Variants in PARD3B observed in about 807,000 individuals in gnomAD.
PARD3B encodes the protein partitioning defective 3 homolog B.
PARD3B carries 103 observed loss-of-function variants against 130.2 expected under a neutral mutation model. The ratio of observed to expected loss-of-function variants is 0.79; its 90% confidence interval spans 0.67 to 0.93. The LOEUF (loss-of-function observed/expected upper bound fraction) is 0.93, where lower values mean the gene tolerates loss of function less well. PARD3B is among the 40% of genes least tolerant of loss of function. The probability of loss-of-function intolerance (pLI) is 0.00; values close to 1 mark genes in which losing one functional copy is unlikely to be tolerated. For missense variants in PARD3B, 1,609 were observed against 1,499.2 expected (o/e 1.07, Z -1.21); for synonymous variants, 583 against 553.2 (o/e 1.05, Z -0.76).
chr2:205,038,993 G>A (rs577471083), intron 3 of PARD3B, among the ~76,000 whole-genome samples: 12 of 152,138 alleles, frequency 7.9e-5, no homozygotes, highest in South Asian at 6.2e-4. Flanking sequence ...GCACCAAACC[G>A]GGTCAGGCAC....
rs968738023 is a variant in PARD3B at position 205,128,237 on chromosome 2, A to G, written c.1434+2500A>G. ...GCATGCAAAAGAATGCAACCACAGAACTCCAACTAGGAACTTAAACCCTCG... is the reference window on the plus strand; with the variant it reads ...GCATGCAAAAGAATGCAACCACAGAGCTCCAACTAGGAACTTAAACCCTCG... On this transcript the variant is annotated intron_variant, in intron 10 of 22. Coordinates refer to ENST00000406610, the MANE Select transcript of PARD3B (RefSeq NM_001302769.2). This position sits in a 1 kb window ranked among gnomAD's most constrained non-coding sequence, Gnocchi z 4.5. Among the ~76,000 whole-genome samples the G allele has an allele frequency of 3.4e-4, 51 of 152,138 alleles. No homozygotes were observed. Among genetic ancestry groups the G allele is most frequent in the African/African-American group, 1.2e-3 (51 of 41,424 alleles).
rs11898994 is a variant in PARD3B, at chr2:204,813,885, G to A, written c.222+127603G>A. On this transcript the variant is annotated intron_variant, in intron 2 of 22. Coordinates refer to ENST00000406610, the MANE Select transcript of PARD3B (RefSeq NM_001302769.2). ...TTACTATCTCTTTATAATATTGTAAGTTTTGAAATGAAGTCATATTGGCCC... is the reference window on the plus strand; with the variant it reads ...TTACTATCTCTTTATAATATTGTAAATTTTGAAATGAAGTCATATTGGCCC... Among the ~76,000 whole-genome samples the A allele has an allele frequency of 4.9e-3, 749 of 152,124 alleles. 9 individuals carry two copies. Among genetic ancestry groups the A allele is most frequent in the African/African-American group, 0.017 (687 of 41,536 alleles).
At position 205,562,402 on chromosome 2, in the gene PARD3B, GT is replaced by G. The variant is rs2053170005; in HGVS notation, c.3260+9005del. ...GAACCACATACATTAAATTCTATAG[GT>G]TTTTTACTTTTTCCCTCATTTTCCA... is the stretch of plus-strand genomic sequence containing the variant. On this transcript the variant is annotated intron_variant, in intron 22 of 22. Transcript: ENST00000406610. The surrounding 1 kb of genome is among the most constrained non-coding windows in gnomAD (Gnocchi z 5.4). 6.6e-6 allele frequency among the ~76,000 whole-genome samples: 1 copy of G among 152,118 alleles called. No individual in the cohort carries two copies. Among genetic ancestry groups the G allele is most frequent in the Admixed American group, 6.5e-5 (1 of 15,276 alleles).
At chr2:204,647,370 AT>A (rs1009444557) in intron 1 of PARD3B, among the ~76,000 whole-genome samples, 21 of 150,036 alleles carry the variant, frequency 1.4e-4, no homozygotes, top group African/African-American at 4.6e-4. Flanking sequence ...TTATACATGT[AT>A]TTTTTTTAAT....
intron 18 of PARD3B, among the ~76,000 whole-genome samples, chr2:205,385,567 G>T (rs1339493167): frequency 6.6e-6 from 1 of 152,088 alleles, no homozygotes. Context: ...TGGAAGCCTA[G>T]TGTGATTCTA....
intron 2 of PARD3B, among the ~76,000 whole-genome samples, chr2:204,956,835 T>C (rs1360585657): frequency 1.3e-5 from 2 of 152,196 alleles, no homozygotes; most frequent in Non-Finnish European, 1.5e-5. Context: ...TTTTAAACTT[T>C]CTGAAAATTT....
At chr2:205,293,350 C>T (rs2041678142) in intron 16 of PARD3B, 1 of 152,034 alleles carries the variant, frequency 6.6e-6, no homozygotes, top group Non-Finnish European at 1.5e-5. Flanking sequence ...GCAGAAGAAA[C>T]ATTTACTGTT....
At chr2:204,807,130 C>G (rs1268218681) in intron 2 of PARD3B, among the ~76,000 whole-genome samples, 3 of 152,070 alleles carry the variant, frequency 2.0e-5, no homozygotes, top group African/African-American at 7.2e-5. Flanking sequence ...CTTATTCGCT[C>G]TCATGAGAAC....
At chr2:205,454,705 AG>A (rs1270958670) in intron 20 of PARD3B, among the ~76,000 whole-genome samples, 2 of 152,268 alleles carry the variant, frequency 1.3e-5, no homozygotes, top group East Asian at 1.9e-4. Flanking sequence ...CAAGTTCAGT[AG>A]GGGGCCTAGG....
chr2:205,365,329 C>G (rs2044562695), intron 18 of PARD3B, among the ~76,000 whole-genome samples: 1 of 151,150 alleles, frequency 6.6e-6, no homozygotes, highest in Non-Finnish European at 1.5e-5. Context: ...CAAGATTGCC[C>G]AAGATCGCAC....
intron 2 of PARD3B, among the ~76,000 whole-genome samples, chr2:204,740,355 T>C (rs2039957927): frequency 6.6e-6 from 1 of 152,166 alleles, no homozygotes; most frequent in Non-Finnish European, 1.5e-5. Flanking sequence ...GCACATTTAT[T>C]TTCTGATTGC....
In PARD3B at chr2:205,055,359, A is replaced by G. The variant is rs140620342; in HGVS notation, c.504+7669A>G. On this transcript the variant is annotated intron_variant, in intron 4 of 22. Coordinates refer to ENST00000406610, the MANE Select transcript of PARD3B (RefSeq NM_001302769.2). ...AGTTGATTTGGAAGAAAATAAAAATACTTCTGGTATGTGAATTAATTAAAA... is the reference window on the plus strand; with the variant it reads ...AGTTGATTTGGAAGAAAATAAAAATGCTTCTGGTATGTGAATTAATTAAAA... Among the ~76,000 whole-genome samples, 94 of 152,298 alleles carry G rather than the reference A, an allele frequency of 6.2e-4. 1 individual carries two copies. The East Asian group carries it at 6.4e-3, about 10-fold the overall frequency.
chr2:205,445,901 C>G (rs1262011890), intron 20 of PARD3B, among the ~76,000 whole-genome samples: 1 of 152,148 alleles, frequency 6.6e-6, no homozygotes, highest in African/African-American at 2.4e-5. Context: ...TGAGTATCCA[C>G]TAAGGGTCAG....
At chr2:204,630,881 T>C (rs1345595522) in intron 1 of PARD3B, among the ~76,000 whole-genome samples, 1 of 152,182 alleles carries the variant, frequency 6.6e-6, no homozygotes, top group Non-Finnish European at 1.5e-5. Context: ...GATAGTGGTC[T>C]ATTTTATTAA....
At chr2:204,707,985 A>T (rs182275912) in intron 2 of PARD3B, among the ~76,000 whole-genome samples, 66 of 152,070 alleles carry the variant, frequency 4.3e-4, no homozygotes, top group African/African-American at 1.5e-3. Flanking sequence ...CCCTTTGGAG[A>T]CTTCATCTCT....
At chr2:205,607,646 C>T (rs1441665228) in intron 22 of PARD3B, among the ~76,000 whole-genome samples, 2 of 152,142 alleles carry the variant, frequency 1.3e-5, no homozygotes, top group Non-Finnish European at 2.9e-5. Flanking sequence ...GCTCAGCAGG[C>T]TTATGAATCT....
At chr2:204,779,588 C>T (rs1343091041) in intron 2 of PARD3B, among the ~76,000 whole-genome samples, 2 of 152,226 alleles carry the variant, frequency 1.3e-5, no homozygotes, top group Middle Eastern at 3.4e-3. Context: ...AAACTGAAGA[C>T]GTGTCTGGTA....
intron 22 of PARD3B, among the ~76,000 whole-genome samples, chr2:205,602,889 C>A (rs2054845206): frequency 6.6e-6 from 1 of 152,002 alleles, no homozygotes; most frequent in East Asian, 1.9e-4. Flanking sequence ...TTCATTATTT[C>A]TTGCCTTCTT....
At chr2:204,744,385 A>G (rs940210127) in intron 2 of PARD3B, among the ~76,000 whole-genome samples, 6 of 152,208 alleles carry the variant, frequency 3.9e-5, no homozygotes, top group African/African-American at 1.2e-4. Flanking sequence ...TGGGGTTTTA[A>G]TTGATATAAA....
Sources: allele counts gnomAD v4.1 joint callset (sites outside exome capture counted in the v4.1 genomes callset), GRCh38; gene constraint gnomAD v4.1.1; non-coding constraint Gnocchi (gnomAD v3.1); transcripts MANE v1.5; gene names NCBI Gene and HGNC (gene_info 2026-07-23, HGNC 2026-07-21).